Variants in L3MBTL4 observed in about 807,000 individuals in gnomAD.
The protein encoded by L3MBTL4 is L3MBTL histone methyl-lysine binding protein 4, also known as lethal(3)malignant brain tumor-like protein 4.
A neutral mutation model predicts 84.5 loss-of-function variants in L3MBTL4; 70 were observed. The observed-to-expected ratio is 0.83, with a 90% CI of 0.68 to 1.01. L3MBTL4 has a LOEUF of 1.01. L3MBTL4 is among the 50% of genes least tolerant of loss of function. L3MBTL4 has a pLI of 0.00. For missense variants in L3MBTL4, 715 were observed against 754.8 expected, an observed-to-expected ratio of 0.95 and a Z score of 0.62; for synonymous variants, 274 against 259.8, an observed-to-expected ratio of 1.05 and a Z score of -0.52.
intron 1 of L3MBTL4, among the ~76,000 whole-genome samples, chr18:6,342,568 G>A (rs143733281): frequency 1.1e-4 from 17 of 152,008 alleles, no homozygotes; most frequent in Admixed American, 3.3e-4. Flanking sequence ...AAAGAAAGCC[G>A]ATGTGTTAGG....
intron 1 of L3MBTL4, among the ~76,000 whole-genome samples, chr18:6,364,081 C>T (rs961949919): frequency 6.6e-6 from 1 of 152,060 alleles, no homozygotes; most frequent in Non-Finnish European, 1.5e-5. Flanking sequence ...TGTATCTACG[C>T]GTGCCTGGAT....
intron 14 of L3MBTL4, among the ~76,000 whole-genome samples, chr18:6,129,960 C>A (rs2059823521): frequency 1.3e-5 from 2 of 152,162 alleles, no homozygotes; most frequent in Admixed American, 6.5e-5. Context: ...CCATCACTCT[C>A]TGAAATGGGT....
At chr18:6,060,813 C>T (rs1490839702) in intron 16 of L3MBTL4, among the ~76,000 whole-genome samples, 5 of 152,054 alleles carry the variant, frequency 3.3e-5, no homozygotes, top group Non-Finnish European at 4.4e-5. Context: ...AATTAAGGCT[C>T]CTTCATGTCT....
At chr18:6,222,688 A>T (rs1023596160) in intron 10 of L3MBTL4, among the ~76,000 whole-genome samples, 2 of 152,082 alleles carry the variant, frequency 1.3e-5, no homozygotes, top group Non-Finnish European at 2.9e-5. Flanking sequence ...TCCTCACGTT[A>T]TATCTTTATT....
rs533861672 is a variant in L3MBTL4 at position 6,358,020 on chromosome 18, G to A, written c.-90-45964C>T. On this transcript the variant is annotated intron_variant, in intron 1 of 18. Coordinates refer to ENST00000317931, the MANE Select transcript of L3MBTL4 (RefSeq NM_001330559.2). ...GAAGACAAAGCGGAGCACACATCAC[G>A]AAAAGTGTCTGTCTCATCCGCAGCC... Among the ~76,000 whole-genome samples, 29 of 152,290 alleles carry A rather than the reference G, an allele frequency of 1.9e-4. No individual in the cohort carries two copies. In the South Asian group the frequency reaches 5.4e-3, roughly 28 times the overall value.
At chr18:6,406,570 C>T (rs930252615) in intron 1 of L3MBTL4, among the ~76,000 whole-genome samples, 3 of 152,106 alleles carry the variant, frequency 2.0e-5, no homozygotes, top group Non-Finnish European at 4.4e-5. Context: ...TACCCCTCCA[C>T]CCCTCCCCAG....
chr18:6,363,354 C>T (rs554935068), intron 1 of L3MBTL4, among the ~76,000 whole-genome samples: 17 of 152,320 alleles, frequency 1.1e-4, no homozygotes, highest in African/African-American at 4.1e-4. Context: ...CCTAGTCCCC[C>T]TCCAGGAAGC....
intron 1 of L3MBTL4, among the ~76,000 whole-genome samples, chr18:6,388,652 C>T (rs538719676): frequency 6.6e-6 from 1 of 152,262 alleles, no homozygotes; most frequent in Admixed American, 6.5e-5. Flanking sequence ...AATTATCTGG[C>T]TAAGCAATAT....
chr18:6,081,001 G>T, intron 15 of L3MBTL4, 50 bp from the exon 16 acceptor site: 1 of 1,393,650 alleles, frequency 7.2e-7, no homozygotes. Flanking sequence ...TGTGAGGTAG[G>T]AAGAAATCAT....
intron 12 of L3MBTL4, among the ~76,000 whole-genome samples, chr18:6,205,505 ACCTAT>A (rs749852525): frequency 1.9e-4 from 29 of 152,190 alleles, no homozygotes; most frequent in Non-Finnish European, 3.8e-4. Context: ...GGTTTGTTGC[ACCTAT>A]CAACCTGTCA....
intron 16 of L3MBTL4, among the ~76,000 whole-genome samples, chr18:5,969,884 A>T (rs1266680068): frequency 6.6e-6 from 1 of 152,176 alleles, no homozygotes; most frequent in Non-Finnish European, 1.5e-5. Flanking sequence ...CTCTCCTTAA[A>T]TCAGGAGTCA....
chr18:6,317,057 T>C (rs2051143334), intron 1 of L3MBTL4, among the ~76,000 whole-genome samples: 1 of 152,060 alleles, frequency 6.6e-6, no homozygotes, highest in African/African-American at 2.4e-5. Context: ...AAGATAAGCT[T>C]CAAGAGATCT....
At chr18:6,270,614 C>T (rs1039765637) in intron 4 of L3MBTL4, among the ~76,000 whole-genome samples, 2 of 152,254 alleles carry the variant, frequency 1.3e-5, no homozygotes, top group South Asian at 2.1e-4. Flanking sequence ...CTCTTTGAGA[C>T]GAAGAGAAAT....
chr18:6,247,424 G>C (rs2047715062), intron 5 of L3MBTL4, among the ~76,000 whole-genome samples: 1 of 144,932 alleles, frequency 6.9e-6, no homozygotes, highest in Non-Finnish European at 1.5e-5. Context: ...GTCTTGTATA[G>C]CACTGACATG....
chr18:6,175,995 T>G lies in L3MBTL4; in HGVS notation c.982-4053A>C, dbSNP rs79314811. Among the ~76,000 whole-genome samples the G allele has an allele frequency of 3.9e-3, 600 of 152,028 alleles. 4 individuals carry two copies. The highest frequency in any genetic ancestry group is 0.014 in the African/African-American group (582 of 41,460). On this transcript the variant is annotated intron_variant, in intron 12 of 18. Transcript: ENST00000317931. The stretch of plus-strand genomic sequence containing the variant: ...AAAATGAAGAACTTAGCAAAACATC[T>G]GAGAAAATAAGAAAATGTGAAAGCT...
At chr18:6,300,830 C>T (rs7232341) in intron 4 of L3MBTL4, among the ~76,000 whole-genome samples, 28,789 of 152,068 alleles carry the variant, frequency 0.19, 2,856 homozygotes, top group African/African-American at 0.23. Flanking sequence ...CAGGTACAGT[C>T]CAATTCATTT....
intron 1 of L3MBTL4, among the ~76,000 whole-genome samples, chr18:6,334,440 G>A (rs1302870679): frequency 6.6e-6 from 1 of 152,060 alleles, no homozygotes; most frequent in Admixed American, 6.5e-5. Context: ...GACTCGGAAG[G>A]TGACAAAGTT....
chr18:6,003,895 A>G (rs2054341158), intron 16 of L3MBTL4, among the ~76,000 whole-genome samples: 1 of 152,158 alleles, frequency 6.6e-6, no homozygotes. Flanking sequence ...AGGCAGATTT[A>G]TAGCTGTAAA....
At chr18:6,031,336 A>G in intron 16 of L3MBTL4, 1 of 985,460 alleles carries the variant, frequency 1.0e-6, no homozygotes, top group Non-Finnish European at 1.2e-6. Flanking sequence ...GTTGCAGAGA[A>G]GATAAATGCC....
Sources: allele counts gnomAD v4.1 joint callset (sites outside exome capture counted in the v4.1 genomes callset), GRCh38; gene constraint gnomAD v4.1.1; transcripts MANE v1.5; gene names NCBI Gene and HGNC (gene_info 2026-07-23, HGNC 2026-07-21).